The following UTRN variants were observed in gnomAD, a reference collection of about 807,000 sequenced individuals.
UTRN encodes dystrophin-related protein 1.
Under a neutral mutation model 463.9 loss-of-function variants are expected in UTRN, and 283 were observed. The ratio of observed to expected loss-of-function variants is 0.61; its 90% CI spans 0.55 to 0.67. The LOEUF (loss-of-function observed/expected upper bound fraction) is 0.67. Ranked by LOEUF, UTRN falls within the 30% of genes least tolerant of loss-of-function variation. The pLI is 0.00. For missense variants in UTRN, 3,922 were observed against 4,084.3 expected (o/e 0.96, Z 1.08); for synonymous variants, 1,442 against 1,431.5 (o/e 1.01, Z -0.17).
chr6:144,412,888 G>C (rs1267051591), intron 3 of UTRN, among the ~76,000 whole-genome samples: 1 of 151,856 alleles, frequency 6.6e-6, no homozygotes, highest in East Asian at 1.9e-4. Flanking sequence ...AGTGTCGAAG[G>C]GCTCAAATTT....
At chr6:144,334,404 T>C (rs1776564949) in intron 2 of UTRN, among the ~76,000 whole-genome samples, 1 of 151,868 alleles carries the variant, frequency 6.6e-6, no homozygotes, top group South Asian at 2.1e-4. Context: ...GTCAAGGCTA[T>C]GATTTTAGCG....
In UTRN at chr6:144,451,421, T is replaced by A; in HGVS notation, c.2124T>A (p.Thr708=). The change falls in exon 18 of 75, where the codon ACT becomes ACA. Residue 708 remains threonine, a synonymous_variant. Transcript: ENST00000367545. ...TGAACTGGATTTTGAAATGGAAAAC[T>A]GCCATTCAGACCACAGAGATAAAAG... The part of the protein sequence containing the change: ...ELLNWILKWK[T]AIQTTEIKEY... 6.2e-7 allele frequency: 1 copy of A among 1,613,448 alleles called. No individual in the cohort carries two copies. Among genetic ancestry groups the A allele is most frequent in the Non-Finnish European group, 8.5e-7 (1 of 1,179,834 alleles).
At chr6:144,786,123 T>C (rs17074191) in intron 61 of UTRN, among the ~76,000 whole-genome samples, 3,918 of 152,278 alleles carry the variant, frequency 0.026, 173 homozygotes, top group African/African-American at 0.09. Context: ...CACTGGGCTA[T>C]GTCACTCACT....
rs9376825 is a variant in UTRN at position 144,579,032 on chromosome 6, C to T, written c.7479+1744C>T. ...GGAATGAGCTTATTTATAAATTGTC[C>T]CTGTGCATGAAAACTCATGGTGTTT... On this transcript the variant is annotated intron_variant, in intron 51 of 74. Coordinates refer to ENST00000367545, the MANE Select transcript of UTRN (RefSeq NM_007124.3). 4.6e-5 allele frequency among the ~76,000 whole-genome samples: 7 copies of T among 152,084 alleles called. No homozygotes were observed. The East Asian group carries it at 1.2e-3, about 25-fold the overall frequency.
intron 51 of UTRN, among the ~76,000 whole-genome samples, chr6:144,635,488 T>G (rs552683102): frequency 6.6e-6 from 1 of 150,612 alleles, no homozygotes; most frequent in East Asian, 2.0e-4. Context: ...CTTCTCAGTA[T>G]TACTTAGCAG....
chr6:144,475,680 A>G (rs549480484), intron 25 of UTRN, among the ~76,000 whole-genome samples: 1 of 152,236 alleles, frequency 6.6e-6, no homozygotes, highest in Non-Finnish European at 1.5e-5. Flanking sequence ...CAGTGGCACA[A>G]TCCTAGCTTA....
At chr6:144,846,857 G>A (rs748153398) in intron 74 of UTRN, 30 bp downstream of exon 74, 1 of 1,613,750 alleles carries the variant, frequency 6.2e-7, no homozygotes, top group African/African-American at 1.3e-5. Context: ...TTGGCTCTAT[G>A]TTACTGATCC....
intron 51 of UTRN, among the ~76,000 whole-genome samples, chr6:144,589,368 C>A (rs998179391): frequency 6.6e-6 from 1 of 151,928 alleles, no homozygotes; most frequent in African/African-American, 2.4e-5. Context: ...GTAATATTAA[C>A]AATATTATAT....
chr6:144,582,749 G>C (rs182377056), intron 51 of UTRN, among the ~76,000 whole-genome samples: 3 of 152,084 alleles, frequency 2.0e-5, no homozygotes. Context: ...CCACTGGATC[G>C]CTCTGCTTTT....
chr6:144,851,150 T>G lies in UTRN; in HGVS notation c.*153T>G, dbSNP rs1309186993. The G allele has an allele frequency of 1.1e-6, 1 of 913,804 alleles. No homozygotes were observed. Among genetic ancestry groups the G allele is most frequent in the Non-Finnish European group, 1.8e-6 (1 of 564,430 alleles). The allele number at this position is 913,804 out of a possible 1,614,324, so 56.6% of individuals were successfully genotyped here. A position where few individuals can be genotyped will look rare whatever the true frequency, so the allele number is the denominator to read the frequency against. On this transcript the variant is annotated 3_prime_UTR_variant, in exon 75 of 75. Coordinates refer to ENST00000367545, the MANE Select transcript of UTRN (RefSeq NM_007124.3). ...GTGTTCTACTGAAAGAGTAAAACAC[T>G]GACTATCCAAAGAGAAATGGATATT...
chr6:144,385,223 A>G (rs74732338), intron 2 of UTRN, among the ~76,000 whole-genome samples: 1,786 of 152,286 alleles, frequency 0.012, 14 homozygotes, highest in Non-Finnish European at 0.02. Flanking sequence ...CAAGAAAGAA[A>G]ACAGAGAACG....
chr6:144,385,105 C>G (rs1781295196), intron 2 of UTRN, among the ~76,000 whole-genome samples: 1 of 152,108 alleles, frequency 6.6e-6, no homozygotes, highest in Non-Finnish European at 1.5e-5. Context: ...ATATTTTATA[C>G]AGTCCATAGG....
intron 51 of UTRN, among the ~76,000 whole-genome samples, chr6:144,633,765 A>T (rs937251153): frequency 2.6e-5 from 4 of 152,214 alleles, no homozygotes; most frequent in Non-Finnish European, 4.4e-5. Context: ...ACTAGTTTTC[A>T]TTCTTTTCCT....
At chr6:144,590,102 C>G (rs1802871963) in intron 51 of UTRN, among the ~76,000 whole-genome samples, 1 of 152,146 alleles carries the variant, frequency 6.6e-6, no homozygotes, top group Non-Finnish European at 1.5e-5. Flanking sequence ...CTCAAGCAAT[C>G]TGCCTGCCTC....
chr6:144,430,567 G>A (rs1785711267), intron 9 of UTRN, among the ~76,000 whole-genome samples: 1 of 152,132 alleles, frequency 6.6e-6, no homozygotes, highest in Admixed American at 6.5e-5. Flanking sequence ...GTTGCTACTT[G>A]TTTTGGGTTG....
At chr6:144,445,573 C>A (rs1271804896) in intron 14 of UTRN, among the ~76,000 whole-genome samples, 20 of 148,554 alleles carry the variant, frequency 1.3e-4, no homozygotes, top group African/African-American at 4.9e-4. Flanking sequence ...CCCCCGCCCT[C>A]AATCTGTGGT....
At chr6:144,558,843 C>G (rs1302398022) in intron 50 of UTRN, among the ~76,000 whole-genome samples, 1 of 151,902 alleles carries the variant, frequency 6.6e-6, no homozygotes, top group African/African-American at 2.4e-5. Flanking sequence ...GAACAAAAGG[C>G]TATAACAAGT....
rs201546711 is a variant in UTRN, at chr6:144,528,032, AT to A, written c.5907-2999del. Among the ~76,000 whole-genome samples the A allele has an allele frequency of 4.8e-3, 539 of 112,070 alleles. 2 individuals carry two copies. The highest frequency in any genetic ancestry group is 0.015 in the African/African-American group (428 of 28,592). The allele number at this position is 112,070 out of a possible 152,430, so 73.5% of individuals were successfully genotyped here. ...GATCCATTGCTGGTAAGCTAGTGTG[AT>A]TTTTTTTTTTTTTTTTTTTTGAGAT... On this transcript the variant is annotated intron_variant, in intron 41 of 74. Transcript: ENST00000367545.
chr6:144,485,557 G>A (rs1399983774), intron 28 of UTRN, 38 bp downstream of exon 28: 15 of 1,613,634 alleles, frequency 9.3e-6, no homozygotes, highest in Non-Finnish European at 1.2e-5. Context: ...TCTCTTTGCT[G>A]TGATGAGGCC....
Sources: allele counts gnomAD v4.1 joint callset (sites outside exome capture counted in the v4.1 genomes callset), GRCh38; gene constraint gnomAD v4.1.1; transcripts MANE v1.5; gene names NCBI Gene and HGNC (gene_info 2026-07-23, HGNC 2026-07-21).